NTRK3: variants seen among roughly 807,000 people sequenced by gnomAD.
NTRK3 encodes NT-3 growth factor receptor.
In NTRK3, 24 loss-of-function variants were observed where a neutral mutation model predicts 91.7. The ratio of observed to expected loss-of-function variants is 0.26; its 90% CI spans 0.19 to 0.37. NTRK3 has a LOEUF of 0.37. Among genes scored for constraint, NTRK3 ranks in the 10% least tolerant of loss-of-function variants. NTRK3 has a pLI of 1.00. For synonymous variants in NTRK3, 483 were observed against 404.0 expected, an observed-to-expected ratio of 1.20 and a Z score of -2.34; for missense variants, 880 against 1,068.9, an observed-to-expected ratio of 0.82 and a Z score of 2.46.
At chr15:87,892,818 T>G (rs59192396) in intron 17 of NTRK3, among the ~76,000 whole-genome samples, 1 of 152,160 alleles carries the variant, frequency 6.6e-6, no homozygotes, top group Non-Finnish European at 1.5e-5. Context: ...AAGATAAAAT[T>G]CAGTGGGGTA....
At chr15:87,997,718 C>A in intron 14 of NTRK3, among the ~76,000 whole-genome samples, 1 of 152,106 alleles carries the variant, frequency 6.6e-6, no homozygotes. Flanking sequence ...AATTGAGGTA[C>A]GTTTCTTACG....
intron 3 of NTRK3, among the ~76,000 whole-genome samples, chr15:88,250,575 C>T (rs2053246462): frequency 6.6e-6 from 1 of 152,148 alleles, no homozygotes; most frequent in South Asian, 2.1e-4. Context: ...GAACTCTGAT[C>T]CGGAACTGAG....
chr15:88,087,002 G>A (rs1336466435), intron 13 of NTRK3, among the ~76,000 whole-genome samples: 1 of 152,240 alleles, frequency 6.6e-6, no homozygotes, highest in Non-Finnish European at 1.5e-5. Context: ...AGGGGACCCA[G>A]CTCAAAAACG....
intron 14 of NTRK3, among the ~76,000 whole-genome samples, chr15:87,963,953 T>A (rs1343701601): frequency 6.6e-6 from 1 of 152,200 alleles, no homozygotes; most frequent in Non-Finnish European, 1.5e-5. Flanking sequence ...AAGAGCAAAC[T>A]GTTGTGAAGA....
intron 13 of NTRK3, among the ~76,000 whole-genome samples, chr15:88,040,575 C>T (rs374181748): frequency 1.3e-5 from 2 of 152,234 alleles, no homozygotes; most frequent in African/African-American, 2.4e-5. Context: ...TAATGCCCTA[C>T]TGTTGGCTCT....
chr15:88,173,864 A>G (rs550320648), intron 5 of NTRK3, among the ~76,000 whole-genome samples: 1 of 152,376 alleles, frequency 6.6e-6, no homozygotes, highest in African/African-American at 2.4e-5. Context: ...TCTGCCACTT[A>G]GCAGTTATGA....
intron 13 of NTRK3, among the ~76,000 whole-genome samples, chr15:88,124,853 T>G (rs1428874264): frequency 6.6e-6 from 1 of 152,246 alleles, no homozygotes; most frequent in East Asian, 1.9e-4. Context: ...GTCTTTCTCT[T>G]GGTCAAAATA....
chr15:87,901,061 G>A (rs2066428949), intron 17 of NTRK3, among the ~76,000 whole-genome samples: 1 of 152,140 alleles, frequency 6.6e-6, no homozygotes, highest in East Asian at 1.9e-4. Context: ...TGTAGGCCAA[G>A]GGCAGGTTCA....
Position 87,920,172 on chromosome 15 carries a change from G to A in NTRK3, c.2133+9019C>T, listed in dbSNP as rs536896054. ...CAGACTTTTGTATTCCAAAGTGACT[G>A]ATATTTTGTAGATAATTAGTGTGCA... On this transcript the variant is annotated intron_variant, in intron 17 of 18. Transcript: ENST00000394480. 5.3e-5 allele frequency among the ~76,000 whole-genome samples: 8 copies of A among 152,252 alleles called. No homozygotes were observed. The East Asian group carries it at 1.5e-3, about 29-fold the overall frequency.
chr15:87,959,838 G>A (rs1040248561), intron 14 of NTRK3, among the ~76,000 whole-genome samples: 2 of 152,210 alleles, frequency 1.3e-5, no homozygotes, highest in African/African-American at 4.8e-5. Flanking sequence ...GGAGCCAAAT[G>A]TGGAAGCTCC....
At chr15:88,007,546 G>T (rs2076583124) in intron 14 of NTRK3, among the ~76,000 whole-genome samples, 1 of 152,198 alleles carries the variant, frequency 6.6e-6, no homozygotes, top group Non-Finnish European at 1.5e-5. Flanking sequence ...ATGGACAGGA[G>T]ACTCACACCC....
chr15:87,912,931 A>AATATATATATATATATATATATATAT (rs58367924), intron 17 of NTRK3, among the ~76,000 whole-genome samples: 4 of 36,492 alleles, frequency 1.1e-4, no homozygotes, highest in Non-Finnish European at 1.4e-4. Flanking sequence ...AGTAAAAAAA[A>AATATATATATATATATATATATATAT]ATATATATAT....
chr15:87,885,423 G>C (rs1038941659), intron 17 of NTRK3, among the ~76,000 whole-genome samples: 2 of 151,834 alleles, frequency 1.3e-5, no homozygotes, highest in Admixed American at 1.3e-4. Context: ...TTGATCTAAA[G>C]TAGTAATTAT....
Position 88,106,279 on chromosome 15 carries a change from C to T in NTRK3, c.1396+19992G>A, listed in dbSNP as rs111604005. 6.3e-3 allele frequency among the ~76,000 whole-genome samples: 966 copies of T among 152,278 alleles called. 4 individuals are homozygous for T. The highest frequency in any genetic ancestry group is 0.011 in the Admixed American group (172 of 15,304). ...CTACCAGAGGCTCCCTGAACAAAGC[C>T]GAGCTGAAAACATGCACAGAGGGAG... On this transcript the variant is annotated intron_variant, in intron 13 of 18. Transcript: ENST00000394480.
chr15:87,869,684 T>C (rs1277065061), exon 19 of NTRK3: 2 of 199,252 alleles, frequency 1.0e-5, no homozygotes, highest in South Asian at 3.8e-4. Context: ...TGAAAAAAAA[T>C]CTTCTTCACT....
chr15:87,978,763 C>G (rs1230907284), intron 14 of NTRK3: 1 of 234,314 alleles, frequency 4.3e-6, no homozygotes, highest in Non-Finnish European at 8.4e-6. Flanking sequence ...TCCATTCTTT[C>G]CTCTGAGACC....
chr15:88,029,134 G>T (rs2078300711), intron 14 of NTRK3, among the ~76,000 whole-genome samples: 1 of 152,196 alleles, frequency 6.6e-6, no homozygotes, highest in Non-Finnish European at 1.5e-5. Flanking sequence ...AAGAACCAGA[G>T]GGCTATACAA....
chr15:87,933,421 C>A (rs914187226), intron 15 of NTRK3, among the ~76,000 whole-genome samples: 2 of 152,250 alleles, frequency 1.3e-5, no homozygotes, highest in Non-Finnish European at 2.9e-5. Flanking sequence ...CCCGTGCACT[C>A]TCCAGTGATT....
rs1041869959 is a variant in NTRK3 at position 88,243,352 on chromosome 15, G to A, written c.248+12554C>T. Among the ~76,000 whole-genome samples the A allele has an allele frequency of 6.6e-6, 1 of 152,060 alleles. No individual in the cohort carries two copies. The highest frequency in any genetic ancestry group is 2.4e-5 in the African/African-American group (1 of 41,400). On this transcript the variant is annotated intron_variant, in intron 3 of 18. Coordinates refer to ENST00000394480, the Ensembl canonical transcript of NTRK3. The surrounding 1 kb of genome is among the most constrained non-coding windows in gnomAD (Gnocchi z 4.8). ...TCCTGAGCCTGGCCCGTCTGCCAAC[G>A]CTCCCTCCTGGATCTCAGGTGGAGA...
Sources: allele counts gnomAD v4.1 joint callset (sites outside exome capture counted in the v4.1 genomes callset), GRCh38; gene constraint gnomAD v4.1.1; non-coding constraint Gnocchi (gnomAD v3.1); transcripts MANE v1.5; gene names NCBI Gene and HGNC (gene_info 2026-07-23, HGNC 2026-07-21).